ELMO1: variants seen among roughly 807,000 people sequenced by gnomAD.
The protein encoded by ELMO1 is engulfment and cell motility 1.
A neutral mutation model predicts 98.9 loss-of-function variants in ELMO1; 26 were observed. That is an observed-to-expected ratio of 0.26 (90% CI 0.19 to 0.36). The LOEUF (loss-of-function observed/expected upper bound fraction) is 0.36, where lower values mean the gene tolerates loss of function less well. Among genes scored for constraint, ELMO1 ranks in the 10% least tolerant of loss-of-function variants. ELMO1 has a pLI of 1.00. For missense variants in ELMO1, 627 were observed against 935.2 expected (o/e 0.67, Z 4.30); for synonymous variants, 346 against 346.0 (o/e 1.00, Z 0.00).
intron 4 of ELMO1, among the ~76,000 whole-genome samples, chr7:37,273,878 G>C (rs1008937406): frequency 6.6e-6 from 1 of 152,214 alleles, no homozygotes; most frequent in Non-Finnish European, 1.5e-5. Flanking sequence ...AGCCAATTCT[G>C]ACGATTTTTT....
At chr7:36,928,131 AACC>A (rs1785727671) in intron 16 of ELMO1, among the ~76,000 whole-genome samples, 1 of 152,244 alleles carries the variant, frequency 6.6e-6, no homozygotes, top group Admixed American at 6.5e-5. Context: ...GCCACTTGTT[AACC>A]AAGAAGATAA....
At chr7:37,021,626 T>C (rs1396400215) in intron 15 of ELMO1, among the ~76,000 whole-genome samples, 3 of 151,702 alleles carry the variant, frequency 2.0e-5, no homozygotes, top group African/African-American at 4.8e-5. Context: ...AATGTGACCT[T>C]GATCACCTTA....
intron 2 of ELMO1, among the ~76,000 whole-genome samples, chr7:37,323,110 C>G (rs1799608089): frequency 6.6e-6 from 1 of 152,128 alleles, no homozygotes; most frequent in Non-Finnish European, 1.5e-5. Context: ...CATCTTGCAG[C>G]ATATCAAAGT....
intron 1 of ELMO1, among the ~76,000 whole-genome samples, chr7:37,430,265 C>T (rs1303278644): frequency 6.6e-6 from 1 of 152,196 alleles, no homozygotes; most frequent in African/African-American, 2.4e-5. Flanking sequence ...TGGGTTTCTG[C>T]CTGCATGAGA....
At chr7:37,023,574 A>G (rs1178229807) in intron 15 of ELMO1, among the ~76,000 whole-genome samples, 3 of 152,124 alleles carry the variant, frequency 2.0e-5, no homozygotes, top group Admixed American at 2.0e-4. Flanking sequence ...CTTTAGTTTA[A>G]TTTCATCTGT....
intron 16 of ELMO1, among the ~76,000 whole-genome samples, chr7:36,971,872 C>A (rs1386718140): frequency 6.6e-6 from 1 of 152,044 alleles, no homozygotes; most frequent in Non-Finnish European, 1.5e-5. Context: ...AAGAATAAGA[C>A]AGGATAAAAC....
At chr7:37,409,679 G>A (rs1803916832) in intron 1 of ELMO1, among the ~76,000 whole-genome samples, 1 of 152,156 alleles carries the variant, frequency 6.6e-6, no homozygotes, top group Admixed American at 6.5e-5. Flanking sequence ...ACAGCATGGT[G>A]GCTGGGTTCC....
intron 13 of ELMO1, among the ~76,000 whole-genome samples, chr7:37,143,595 T>A (rs970592736): frequency 4.0e-5 from 6 of 151,832 alleles, no homozygotes; most frequent in African/African-American, 1.5e-4. Context: ...TTGGTAGAGA[T>A]GAGGTTTCAC....
chr7:37,321,729 A>AAAAAAAAAAAAAAAAC (rs1306951906), intron 2 of ELMO1, among the ~76,000 whole-genome samples: 1 of 150,168 alleles, frequency 6.7e-6, no homozygotes, highest in African/African-American at 2.5e-5. Context: ...AAAAAAAAAA[A>AAAAAAAAAAAAAAAAC]AAAAAAAAAC....
chr7:37,143,175 G>C (rs764775411), intron 13 of ELMO1, among the ~76,000 whole-genome samples: 1 of 152,156 alleles, frequency 6.6e-6, no homozygotes, highest in Non-Finnish European at 1.5e-5. Flanking sequence ...CTCCCACCGG[G>C]TAGATGCTGT....
intron 16 of ELMO1, among the ~76,000 whole-genome samples, chr7:36,935,843 A>G (rs1786481097): frequency 6.6e-6 from 1 of 152,088 alleles, no homozygotes; most frequent in Non-Finnish European, 1.5e-5. Flanking sequence ...AGTCAAAGCC[A>G]TTTGGTCTTG....
At chr7:36,902,616 T>C (rs1783659359) in intron 16 of ELMO1, among the ~76,000 whole-genome samples, 1 of 152,218 alleles carries the variant, frequency 6.6e-6, no homozygotes, top group African/African-American at 2.4e-5. Flanking sequence ...GAGTTATTCT[T>C]GAATGCAAAC....
At chr7:37,337,548 A>G (rs576097049) in intron 2 of ELMO1, among the ~76,000 whole-genome samples, 6 of 150,520 alleles carry the variant, frequency 4.0e-5, no homozygotes, top group African/African-American at 1.5e-4. Context: ...AAAAACACCT[A>G]TGTGGAGCAT....
chr7:37,351,007 G>A (rs1380520349), intron 1 of ELMO1: 1 of 152,156 alleles, frequency 6.6e-6, no homozygotes, highest in Admixed American at 6.6e-5. Context: ...CCCAGTCTGT[G>A]GTACTTTTTT....
chr7:37,270,312 C>T (rs1221749564), intron 5 of ELMO1: 2 of 152,186 alleles, frequency 1.3e-5, no homozygotes, highest in African/African-American at 4.8e-5. Flanking sequence ...TAGCAACTCA[C>T]TCCATTGAGC....
intron 14 of ELMO1, among the ~76,000 whole-genome samples, chr7:37,101,105 T>C (rs1038572192): frequency 6.6e-6 from 1 of 152,204 alleles, no homozygotes; most frequent in African/African-American, 2.4e-5. Context: ...ACCAAAATCA[T>C]GACTGCAGTG....
chr7:37,022,424 A>C (rs1794323600), intron 15 of ELMO1, among the ~76,000 whole-genome samples: 1 of 152,228 alleles, frequency 6.6e-6, no homozygotes, highest in Non-Finnish European at 1.5e-5. Context: ...GCAAAACGTA[A>C]ATAGGCACTT....
At chr7:36,942,939 G>A (rs903556363) in intron 16 of ELMO1, among the ~76,000 whole-genome samples, 2 of 152,188 alleles carry the variant, frequency 1.3e-5, no homozygotes, top group African/African-American at 2.4e-5. Flanking sequence ...CTGACAGCAC[G>A]CCACTGACAG....
At chr7:37,427,072 C>T (rs1804740406) in intron 1 of ELMO1, among the ~76,000 whole-genome samples, 1 of 152,052 alleles carries the variant, frequency 6.6e-6, no homozygotes, top group South Asian at 2.1e-4. Flanking sequence ...CCTGAGCCCC[C>T]TAAGACAATA....
Sources: gnomAD v4.1 joint callset for allele counts (sites outside exome capture counted in the v4.1 genomes callset) on GRCh38, gnomAD v4.1.1 for gene constraint, MANE v1.5 for transcripts, NCBI Gene and HGNC (gene_info 2026-07-23, HGNC 2026-07-21) for gene names.